NDUFC1: variants seen among roughly 807,000 people sequenced by gnomAD.
NDUFC1 encodes the protein NADH dehydrogenase [ubiquinone] 1 subunit C1, mitochondrial.
NDUFC1 carries 11 observed loss-of-function variants against 11.6 expected under a neutral mutation model. The observed-to-expected ratio is 0.95, with a 90% CI of 0.60 to 1.58. The LOEUF (loss-of-function observed/expected upper bound fraction) is 1.58, where lower values mean the gene tolerates loss of function less well. Among genes scored for constraint, NDUFC1 ranks in the 40% most tolerant of loss-of-function variants. NDUFC1 has a pLI of 0.00. For synonymous variants in NDUFC1, 52 were observed against 42.2 expected (o/e 1.23, Z -0.90); for missense variants, 112 against 93.0 (o/e 1.20, Z -0.84).
Position 139,295,074 on chromosome 4 carries a change from G to A in NDUFC1, c.140C>T (p.Thr47Ile), listed in dbSNP as rs765841464. The change falls in exon 4 of 6, where the codon ACC becomes ATC. Residue 47 changes from threonine to isoleucine, a missense_variant. Transcript: ENST00000394223. Reference sequence around the variant, plus strand: ...CCACAAGAAGACAGTGGTGCCCAAGGTGAACCCAACTTTCAGCCAGTCAGG... The same window carrying A: ...CCACAAGAAGACAGTGGTGCCCAAGATGAACCCAACTTTCAGCCAGTCAGG... ...AKPDWLKVGF[T>I]LGTTVFLWIY... is the part of the protein sequence containing the mutation. 7 of 1,614,064 alleles carry A rather than the reference G, an allele frequency of 4.3e-6. No individual in the cohort carries two copies. Among genetic ancestry groups the A allele is most frequent in the African/African-American group, 4.0e-5 (3 of 74,924 alleles).
chr4:139,293,972 C>G (rs185151306), intron 4 of NDUFC1, among the ~76,000 whole-genome samples: 3 of 117,520 alleles, frequency 2.6e-5, no homozygotes, highest in African/African-American at 3.4e-5. Context: ...GACAGAGTCT[C>G]GCTGTATCTC....
At chr4:139,301,343 A>T in intron 1 of NDUFC1, 2 of 404,552 alleles carry the variant, frequency 4.9e-6, no homozygotes, top group Non-Finnish European at 4.4e-6. Context: ...CACTGAAATG[A>T]TGGGCGGGGC....
chr4:139,292,341 C>T (rs1236436990), intron 5 of NDUFC1, among the ~76,000 whole-genome samples, 189 bp downstream of exon 5: 1 of 149,878 alleles, frequency 6.7e-6, no homozygotes, highest in Non-Finnish European at 1.5e-5. Context: ...AAAACCCCAT[C>T]CCCCCCAAAA....
At chr4:139,290,353 A>T (rs1211989462) in intron 5 of NDUFC1, among the ~76,000 whole-genome samples, 2 of 136,484 alleles carry the variant, frequency 1.5e-5, no homozygotes, top group African/African-American at 5.6e-5. Flanking sequence ...AGACAAAGTC[A>T]CTATGTTGCC....
chr4:139,301,546 G>C (rs1420586560), intron 1 of NDUFC1: 1 of 574,274 alleles, frequency 1.7e-6, no homozygotes, highest in African/African-American at 1.9e-5. Context: ...GTGAACCGCC[G>C]ACGGAGACCC....
chr4:139,294,111 T>G (rs1296570289), intron 4 of NDUFC1, among the ~76,000 whole-genome samples: 1 of 151,788 alleles, frequency 6.6e-6, no homozygotes, highest in Non-Finnish European at 1.5e-5. Context: ...CTGGCTAATT[T>G]TTTTTGTATT....
chr4:139,296,210 A>C lies in NDUFC1; in HGVS notation c.-162-250T>G, dbSNP rs192531399. ...CATTCATTGTCTTATTTCATCTTCAAAACGAGCACATATCATGCCGTGGTT... is the reference window on the plus strand; with the variant it reads ...CATTCATTGTCTTATTTCATCTTCACAACGAGCACATATCATGCCGTGGTT... On this transcript the variant is annotated intron_variant, in intron 2 of 5. Transcript: ENST00000394223. 1.9e-3 allele frequency: 333 copies of C among 175,190 alleles called. 1 individual carries two copies. The highest frequency in any genetic ancestry group is 1.8e-3 in the Non-Finnish European group (145 of 82,646). 10.9% of individuals were successfully genotyped at this position (175,190 alleles called of 1,614,324 possible). A position where few individuals can be genotyped will look rare whatever the true frequency, so the allele number is the denominator to read the frequency against.
Position 139,295,748 on chromosome 4 carries a change from G to A in NDUFC1, c.51C>T (p.Ala17=). 1 of 1,549,948 alleles carries A rather than the reference G, an allele frequency of 6.5e-7. No homozygotes were observed. Among genetic ancestry groups the A allele is most frequent in the South Asian group, 1.2e-5 (1 of 84,324 alleles). ...GATACTCACGGCCGCTCGGGAGCCT[G>A]GCGGGGGCCAGCAGCCGGGAAAGGG... is the stretch of plus-strand genomic sequence containing the variant. ...LRPLSRLLAP[A]RLPSGPSVRS... is the part of the protein sequence containing the mutation. Residue 17 remains alanine, a synonymous_variant, in exon 3 of 6, where the codon GCC becomes GCT. Transcript: ENST00000394223.
At chr4:139,298,487 C>T (rs1745564025) in intron 1 of NDUFC1, among the ~76,000 whole-genome samples, 1 of 148,766 alleles carries the variant, frequency 6.7e-6, no homozygotes, top group African/African-American at 2.5e-5. Context: ...GGCGTTGGGG[C>T]TCACATCTAT....
At chr4:139,290,629 C>T (rs1040604784) in intron 5 of NDUFC1, among the ~76,000 whole-genome samples, 2 of 151,610 alleles carry the variant, frequency 1.3e-5, no homozygotes, top group Admixed American at 1.3e-4. Flanking sequence ...TTAATCAACC[C>T]AATTATGAAA....
rs1745403829 is a variant in NDUFC1 at position 139,295,112 on chromosome 4, C to T, written c.102G>A (p.Pro34=). The change falls in exon 4 of 6, where the codon CCG becomes CCA. Residue 34 remains proline, a synonymous_variant. Coordinates refer to ENST00000394223, the MANE Select transcript of NDUFC1 (RefSeq NM_001184989.2). ...TCAGCCAGTCAGGTTTGGCATTCGG[C>T]GGCTCTCGCACGTAGAACTTTGATC... ...SVRSKFYVRE[P]PNAKPDWLKV... 1 of 1,614,132 alleles carries T rather than the reference C, an allele frequency of 6.2e-7. No homozygotes were observed. The highest frequency in any genetic ancestry group is 8.5e-7 in the Non-Finnish European group (1 of 1,180,006).
intron 3 of NDUFC1, 47 bp from the exon 4 acceptor site, chr4:139,295,193 G>A: frequency 2.8e-6 from 4 of 1,451,674 alleles, no homozygotes; most frequent in South Asian, 1.1e-5. Context: ...CTGCCTTGTA[G>A]GGAAAAAACC....
At position 139,292,498 on chromosome 4, in the gene NDUFC1, A is replaced by C. The variant is rs373761522; in HGVS notation, c.*20+32T>G. The C allele has an allele frequency of 1.0e-5, 11 of 1,068,820 alleles. No individual in the cohort carries two copies. In the East Asian group the frequency reaches 2.6e-4, roughly 25 times the overall value. 66.2% of individuals were successfully genotyped at this position (1,068,820 alleles called of 1,614,324 possible). A position where few individuals can be genotyped will look rare whatever the true frequency, so the allele number is the denominator to read the frequency against. ...AAAAAGAGGTCAAGTTAATTTGCAT[A>C]ATCTATTCATCCAATAAGCTTGTAT... On this transcript the variant is annotated intron_variant, in intron 5 of 5. Transcript: ENST00000394223.
chr4:139,301,668 C>A (rs537112516), intron 1 of NDUFC1: 1 of 1,278,704 alleles, frequency 7.8e-7, no homozygotes, highest in Non-Finnish European at 1.1e-6. Context: ...GTGGTGGCGG[C>A]GGATCGAGAT....
chr4:139,292,874 G>A (rs1745291852), intron 4 of NDUFC1, among the ~76,000 whole-genome samples: 1 of 151,800 alleles, frequency 6.6e-6, no homozygotes, highest in Non-Finnish European at 1.5e-5. Context: ...AGGCTGGAGT[G>A]GAATGGCGTG....
At chr4:139,298,455 A>C (rs920810342) in intron 1 of NDUFC1, among the ~76,000 whole-genome samples, 3 of 150,854 alleles carry the variant, frequency 2.0e-5, no homozygotes, top group Non-Finnish European at 4.4e-5. Flanking sequence ...AAAAAAAAAA[A>C]AAAAGATTCA....
chr4:139,295,002 C>T, intron 4 of NDUFC1, 41 bp downstream of exon 4: 1 of 1,466,068 alleles, frequency 6.8e-7, no homozygotes, highest in Non-Finnish European at 9.6e-7. Context: ...TCCCTTACCA[C>T]GCTGGTGTAG....
rs183401718 is a variant in NDUFC1, at chr4:139,292,072, T to A, written c.*20+458A>T. Among the ~76,000 whole-genome samples the A allele has an allele frequency of 3.2e-3, 489 of 152,194 alleles. 2 individuals carry two copies. The highest frequency in any genetic ancestry group is 0.014 in the Middle Eastern group (4 of 294). On this transcript the variant is annotated intron_variant, in intron 5 of 5. Transcript: ENST00000394223. ...CAGGATGGTCTTGATCTCCTGACCT[T>A]GTGATCCACCCGCCTCGGCCTCCCA...
chr4:139,301,955 G>A (rs1013768674), intron 1 of NDUFC1: 4 of 1,076,792 alleles, frequency 3.7e-6, no homozygotes, highest in South Asian at 1.6e-5. Flanking sequence ...CATAGCTCTC[G>A]TCAGGCCGAA....
Sources: allele counts gnomAD v4.1 joint callset (sites outside exome capture counted in the v4.1 genomes callset), GRCh38; gene constraint gnomAD v4.1.1; transcripts MANE v1.5; gene names NCBI Gene and HGNC (gene_info 2026-07-23, HGNC 2026-07-21).